Variants in MPHOSPH9 observed in about 807,000 individuals in gnomAD.
MPHOSPH9 encodes M-phase phosphoprotein 9.
Under a neutral mutation model 145.5 loss-of-function variants are expected in MPHOSPH9, and 88 were observed. That is an observed-to-expected ratio of 0.60 (90% CI 0.51 to 0.72). MPHOSPH9 has a LOEUF of 0.72. Ranked by LOEUF, MPHOSPH9 falls within the 30% of genes least tolerant of loss-of-function variation. The pLI, the probability that MPHOSPH9 is intolerant of heterozygous loss-of-function variation, is 0.00. For missense variants in MPHOSPH9, 1,238 were observed against 1,386.6 expected, an observed-to-expected ratio of 0.89 and a Z score of 1.70; for synonymous variants, 435 against 486.2, an observed-to-expected ratio of 0.89 and a Z score of 1.39.
Position 123,221,494 on chromosome 12 carries a change from T to C in MPHOSPH9, c.750A>G (p.Ile250Met). The change falls in exon 5 of 24, where the codon ATA (isoleucine) becomes ATG (methionine). Residue 250 changes from isoleucine (I) to methionine (M), a missense_variant. Coordinates refer to ENST00000606320, the MANE Select transcript of MPHOSPH9 (RefSeq NM_022782.4). ...ACACATGACACTCTTCAGGAGTCTGTATATAAAAATTCTCATTTTTCACAC... is the reference window on the plus strand; with the variant it reads ...ACACATGACACTCTTCAGGAGTCTGCATATAAAAATTCTCATTTTTCACAC... Reference protein sequence around the residue: ...VDGVKNENFYIQTPEECHVSL... With the variant: ...VDGVKNENFYMQTPEECHVSL... 1 of 1,614,178 alleles carries C rather than the reference T, an allele frequency of 6.2e-7. No individual in the cohort carries two copies. The highest frequency in any genetic ancestry group is 8.5e-7 in the Non-Finnish European group (1 of 1,179,980).
At chr12:123,172,544 G>A (rs1268694210) in intron 16 of MPHOSPH9, among the ~76,000 whole-genome samples, 2 of 152,172 alleles carry the variant, frequency 1.3e-5, no homozygotes, top group African/African-American at 4.8e-5. Context: ...TGTTGGCCAG[G>A]CTGGTCTCGA....
chr12:123,224,574 T>C (rs1035251678), intron 3 of MPHOSPH9, among the ~76,000 whole-genome samples: 2 of 152,066 alleles, frequency 1.3e-5, no homozygotes, highest in Non-Finnish European at 2.9e-5. Context: ...TTAAATATGA[T>C]GCAGTGATCT....
chr12:123,207,698 C>A (rs1390431333), intron 8 of MPHOSPH9, among the ~76,000 whole-genome samples: 1 of 151,568 alleles, frequency 6.6e-6, no homozygotes, highest in African/African-American at 2.4e-5. Flanking sequence ...TACACAAATA[C>A]AAAACATAGC....
chr12:123,223,098 C>T lies in MPHOSPH9; in HGVS notation c.288G>A (p.Val96=). The T allele has an allele frequency of 2.7e-6, 4 of 1,475,416 alleles. No homozygotes were observed. The highest frequency in any genetic ancestry group is 2.7e-5 in the South Asian group (2 of 74,286). 91.4% of individuals were successfully genotyped at this position (1,475,416 alleles called of 1,614,324 possible). A position where few individuals can be genotyped will look rare whatever the true frequency, so the allele number is the denominator to read the frequency against. Residue 96 remains valine, a synonymous_variant, in exon 4 of 24, where the codon GTG becomes GTA. Coordinates refer to ENST00000606320, the MANE Select transcript of MPHOSPH9 (RefSeq NM_022782.4). Reference sequence around the variant, plus strand: ...CTATCTGTTCTTGGCATTGTTTTTCCACCAAATTGAATAGCTGTAACCACC... The same window carrying T: ...CTATCTGTTCTTGGCATTGTTTTTCTACCAAATTGAATAGCTGTAACCACC... The part of the protein sequence containing the change: ...ETRWLQLFNL[V]EKQCQEQIVA...
At chr12:123,161,754 C>T (rs1165335460) in intron 21 of MPHOSPH9, among the ~76,000 whole-genome samples, 1 of 151,110 alleles carries the variant, frequency 6.6e-6, no homozygotes, top group Non-Finnish European at 1.5e-5. Flanking sequence ...TGAGGGCCTA[C>T]CCAAGTGATT....
intron 1 of MPHOSPH9, among the ~76,000 whole-genome samples, chr12:123,242,122 T>G (rs1185300074): frequency 6.6e-6 from 1 of 152,192 alleles, no homozygotes; most frequent in Non-Finnish European, 1.5e-5. Flanking sequence ...AATGTTCCCT[T>G]TTGTAAATTC....
chr12:123,204,811 G>A (rs893317664), intron 8 of MPHOSPH9, among the ~76,000 whole-genome samples: 4 of 152,166 alleles, frequency 2.6e-5, no homozygotes, highest in African/African-American at 9.7e-5. Context: ...GGAGGCAGAG[G>A]TTGCAGTGAG....
intron 8 of MPHOSPH9, among the ~76,000 whole-genome samples, chr12:123,206,492 G>A (rs954379494): frequency 9.0e-6 from 1 of 111,408 alleles, no homozygotes; most frequent in Non-Finnish European, 1.8e-5. Context: ...AAGAGGAGAA[G>A]AGAAGAGAGG....
upstream of MPHOSPH9, among the ~76,000 whole-genome samples, chr12:123,234,175 C>CA (rs2047789319): frequency 6.6e-6 from 1 of 152,188 alleles, no homozygotes; most frequent in South Asian, 2.1e-4. Context: ...GTGCAGGCCA[C>CA]ATTCTTCAGC....
At chr12:123,189,216 C>CA (rs1479329418) in intron 13 of MPHOSPH9, among the ~76,000 whole-genome samples, 1 of 152,114 alleles carries the variant, frequency 6.6e-6, no homozygotes, top group African/African-American at 2.4e-5. Flanking sequence ...AGCTGACAGC[C>CA]ACCATTCATG....
At chr12:123,180,505 A>C (rs1222986623) in intron 14 of MPHOSPH9, among the ~76,000 whole-genome samples, 1 of 152,176 alleles carries the variant, frequency 6.6e-6, no homozygotes, top group Non-Finnish European at 1.5e-5. Flanking sequence ...AGCTTTCAAA[A>C]AGAATTCAAA....
chr12:123,192,942 C>T (rs746373578), intron 13 of MPHOSPH9, among the ~76,000 whole-genome samples: 9 of 150,700 alleles, frequency 6.0e-5, no homozygotes, highest in East Asian at 2.0e-4. Flanking sequence ...GCTGGTGGCA[C>T]GCGCCTGTAC....
intron 2 of MPHOSPH9, among the ~76,000 whole-genome samples, chr12:123,228,033 T>C (rs1217441471): frequency 6.6e-6 from 1 of 152,324 alleles, no homozygotes; most frequent in East Asian, 1.9e-4. Flanking sequence ...TCTTGTTCAC[T>C]GGACACCCTT....
chr12:123,208,063 C>T (rs1192880248), intron 8 of MPHOSPH9, among the ~76,000 whole-genome samples: 1 of 151,086 alleles, frequency 6.6e-6, no homozygotes, highest in East Asian at 2.0e-4. Flanking sequence ...ACTAAAAATA[C>T]AAAAATTAGC....
At position 123,165,420 on chromosome 12, in the gene MPHOSPH9, C is replaced by A. The variant is rs1384354090; in HGVS notation, c.2649G>T (p.Leu883Phe). 6.2e-7 allele frequency: 1 copy of A among 1,613,908 alleles called. No homozygotes were observed. Among genetic ancestry groups the A allele is most frequent in the South Asian group, 1.1e-5 (1 of 91,078 alleles). ...CTGAAGTCTCTCTTTGCTTTTTTAT[C>A]AACAAGCTTGTTGATGAACTTCCAG... is the stretch of plus-strand genomic sequence containing the variant. ...SSPGSSSTSL[L>F]IKKQRETSDT... Residue 883 changes from leucine (L) to phenylalanine (F), a missense_variant, in exon 18 of 24, where the codon TTG (leucine) becomes TTT (phenylalanine). By Grantham distance (22) the Leu-to-Phe change is conservative (BLOSUM62 0). This residue lies in a region of MPHOSPH9 where 393 missense variants were observed against 462.5 expected (regional missense o/e 0.85). Coordinates refer to ENST00000606320, the MANE Select transcript of MPHOSPH9 (RefSeq NM_022782.4).
At chr12:123,185,637 G>A (rs948842091) in intron 13 of MPHOSPH9, among the ~76,000 whole-genome samples, 3 of 152,058 alleles carry the variant, frequency 2.0e-5, no homozygotes, top group South Asian at 2.1e-4. Flanking sequence ...CTCAGCAGTC[G>A]GAGAGGCTGA....
At chr12:123,234,230 G>C (rs1000452532), upstream of MPHOSPH9, among the ~76,000 whole-genome samples, 2 of 152,134 alleles carry the variant, frequency 1.3e-5, no homozygotes, top group Non-Finnish European at 2.9e-5. Flanking sequence ...TTTACCTCCA[G>C]GAGTTCTGGC....
At chr12:123,170,103 G>A (rs548020365) in intron 16 of MPHOSPH9, among the ~76,000 whole-genome samples, 9 of 149,878 alleles carry the variant, frequency 6.0e-5, no homozygotes, top group Middle Eastern at 3.4e-3. Flanking sequence ...TCAGCCTCCC[G>A]AGCAGCTGGG....
In MPHOSPH9 at chr12:123,194,585, C is replaced by T. The variant is rs141974876; in HGVS notation, c.2042G>A (p.Arg681His). ...LEIEVNDLRE[R>H]FSAASSASKI... The stretch of plus-strand genomic sequence containing the variant: ...GGAAGCACTGCTGGCTGCACTGAAG[C>T]GTTCTCTCAAATCATTCTATAAAAC... The change falls in exon 13 of 24, where the codon CGC (arginine) becomes CAC (histidine). Residue 681 changes from arginine to histidine, a missense_variant. Around this residue, in one of 3 missense-constraint regions of MPHOSPH9, gnomAD observed 837 missense variants for 897.5 expected, o/e 0.93. Coordinates refer to ENST00000606320, the MANE Select transcript of MPHOSPH9 (RefSeq NM_022782.4). 5.7e-5 allele frequency: 91 copies of T among 1,590,814 alleles called. No homozygotes were observed. Among genetic ancestry groups the T allele is most frequent in the Non-Finnish European group, 5.9e-5 (69 of 1,173,774 alleles).
Sources: gnomAD v4.1 joint callset for allele counts (sites outside exome capture counted in the v4.1 genomes callset) on GRCh38, gnomAD v4.1.1 for gene constraint, gnomAD v4.1.1 regional missense constraint, MANE v1.5 for transcripts, NCBI Gene and HGNC (gene_info 2026-07-23, HGNC 2026-07-21) for gene names.